The following CCSER1 variants were observed in gnomAD, a reference collection of about 807,000 sequenced individuals.
CCSER1 encodes serine-rich coiled-coil domain-containing protein 1.
A neutral mutation model predicts 82.0 loss-of-function variants in CCSER1; 41 were observed. That is an observed-to-expected ratio of 0.50 (90% CI 0.39 to 0.65). CCSER1 has a LOEUF of 0.65. CCSER1 is among the 30% of genes least tolerant of loss of function. The pLI is 0.00. For synonymous variants in CCSER1, 414 were observed against 383.9 expected (o/e 1.08, Z -0.92); for missense variants, 1,119 against 1,064.2 (o/e 1.05, Z -0.72).
intron 8 of CCSER1, among the ~76,000 whole-genome samples, chr4:90,832,996 G>A (rs768029898): frequency 1.3e-5 from 2 of 152,156 alleles, no homozygotes; most frequent in Non-Finnish European, 2.9e-5. Flanking sequence ...AAAGACAATG[G>A]TCTTTCGTTA....
chr4:90,660,268 T>C (rs1209119477), intron 6 of CCSER1, among the ~76,000 whole-genome samples: 1 of 149,386 alleles, frequency 6.7e-6, no homozygotes, highest in African/African-American at 2.4e-5. Flanking sequence ...AGTAAAGATA[T>C]GAAATCAACC....
chr4:90,165,171 G>C (rs1730225026), intron 1 of CCSER1, among the ~76,000 whole-genome samples: 1 of 152,022 alleles, frequency 6.6e-6, no homozygotes, highest in African/African-American at 2.4e-5. Context: ...AAGCTTCTCT[G>C]ATACCAGTTG....
chr4:91,420,698 A>G (rs1041950620), intron 10 of CCSER1, among the ~76,000 whole-genome samples: 8 of 152,278 alleles, frequency 5.3e-5, no homozygotes, highest in Admixed American at 2.0e-4. Context: ...TATATGTCCA[A>G]AGGAAATTAA....
chr4:91,024,210 T>G (rs1740284442), intron 9 of CCSER1, among the ~76,000 whole-genome samples: 1 of 152,144 alleles, frequency 6.6e-6, no homozygotes, highest in Admixed American at 6.6e-5. Context: ...AGATTAAGTT[T>G]CAACATGAGT....
chr4:90,752,831 T>G (rs1380195308), intron 7 of CCSER1, among the ~76,000 whole-genome samples: 1 of 152,080 alleles, frequency 6.6e-6, no homozygotes, highest in Non-Finnish European at 1.5e-5. Flanking sequence ...CTACCAGGAA[T>G]CTCCAAATTG....
chr4:90,827,427 G>A (rs989113063), intron 8 of CCSER1, among the ~76,000 whole-genome samples: 1 of 152,044 alleles, frequency 6.6e-6, no homozygotes, highest in African/African-American at 2.4e-5. Flanking sequence ...GTCAAGGTGG[G>A]GTAGCAATTT....
At chr4:91,455,221 G>A (rs1452893308) in intron 10 of CCSER1, among the ~76,000 whole-genome samples, 1 of 152,012 alleles carries the variant, frequency 6.6e-6, no homozygotes, top group Non-Finnish European at 1.5e-5. Flanking sequence ...CTGACTTATG[G>A]AAAACTGAAT....
At chr4:91,047,827 G>A (rs896795457) in intron 9 of CCSER1, among the ~76,000 whole-genome samples, 5 of 151,960 alleles carry the variant, frequency 3.3e-5, no homozygotes, top group Non-Finnish European at 5.9e-5. Context: ...ATAAATATTC[G>A]CCAGAAAATA....
At chr4:91,446,006 T>C (rs1755531571) in intron 10 of CCSER1, among the ~76,000 whole-genome samples, 1 of 152,124 alleles carries the variant, frequency 6.6e-6, no homozygotes, top group African/African-American at 2.4e-5. Context: ...TTAGAATATA[T>C]ATTATAAATA....
chr4:91,420,606 G>A (rs1753634976), intron 10 of CCSER1, among the ~76,000 whole-genome samples: 2 of 152,128 alleles, frequency 1.3e-5, no homozygotes, highest in African/African-American at 2.4e-5. Flanking sequence ...ATGTAAGTTT[G>A]TAGAGCCCTG....
chr4:90,970,656 T>TAAGA (rs1456444782), intron 9 of CCSER1, among the ~76,000 whole-genome samples: 1 of 151,980 alleles, frequency 6.6e-6, no homozygotes, highest in African/African-American at 2.4e-5. Flanking sequence ...CAAGCACACC[T>TAAGA]ATGACATCTT....
intron 5 of CCSER1, among the ~76,000 whole-genome samples, chr4:90,553,777 G>A (rs1475218948): frequency 6.6e-6 from 1 of 152,136 alleles, no homozygotes; most frequent in Non-Finnish European, 1.5e-5. Context: ...ACAGTGCAGA[G>A]TTGGATTTGC....
chr4:91,168,736 G>A lies in CCSER1; in HGVS notation c.2217+82742G>A, dbSNP rs553103380. Among the ~76,000 whole-genome samples, 1,084 of 152,192 alleles carry A rather than the reference G, an allele frequency of 7.1e-3. 7 individuals are homozygous for A. Among genetic ancestry groups the A allele is most frequent in the Non-Finnish European group, 9.1e-3 (616 of 68,000 alleles). On this transcript the variant is annotated intron_variant, in intron 10 of 10. Transcript: ENST00000509176. ...ACCATCGAGAATGGGCCATGATGACGATGGTGGTTTTGTTGAAAAGAAAAG... is the reference window on the plus strand; with the variant it reads ...ACCATCGAGAATGGGCCATGATGACAATGGTGGTTTTGTTGAAAAGAAAAG...
At chr4:90,967,027 G>A (rs1321430288) in intron 9 of CCSER1, among the ~76,000 whole-genome samples, 13 of 152,078 alleles carry the variant, frequency 8.5e-5, no homozygotes, top group Non-Finnish European at 1.8e-4. Flanking sequence ...AATCAAGGGA[G>A]TGTGGTACTG....
chr4:90,148,593 A>G (rs1413959718), intron 1 of CCSER1, among the ~76,000 whole-genome samples: 5 of 152,196 alleles, frequency 3.3e-5, no homozygotes, highest in African/African-American at 1.2e-4. Flanking sequence ...ACCTGCCATA[A>G]CAACCAGGAA....
At chr4:90,553,874 A>G (rs745419482) in intron 5 of CCSER1, among the ~76,000 whole-genome samples, 111 of 152,240 alleles carry the variant, frequency 7.3e-4, no homozygotes, top group Non-Finnish European at 1.2e-3. Flanking sequence ...GTGCAATGAA[A>G]AAAGACTGTC....
At chr4:90,807,370 G>A (rs535728033) in intron 7 of CCSER1, among the ~76,000 whole-genome samples, 69 of 152,228 alleles carry the variant, frequency 4.5e-4, no homozygotes, top group South Asian at 1.0e-3. Flanking sequence ...GAAGAAATTG[G>A]ACTACTGTAA....
intron 5 of CCSER1, among the ~76,000 whole-genome samples, chr4:90,487,181 G>A (rs927183162): frequency 2.0e-5 from 3 of 152,142 alleles, no homozygotes; most frequent in Non-Finnish European, 4.4e-5. Flanking sequence ...CAAAGTGCTG[G>A]GATTACAGGC....
At chr4:90,135,217 C>T (rs976829664) in intron 1 of CCSER1, among the ~76,000 whole-genome samples, 1 of 152,114 alleles carries the variant, frequency 6.6e-6, no homozygotes, top group African/African-American at 2.4e-5. Context: ...AACATTACAA[C>T]GTATTTCTAG....
Sources: allele counts gnomAD v4.1 joint callset (sites outside exome capture counted in the v4.1 genomes callset), GRCh38; gene constraint gnomAD v4.1.1; transcripts MANE v1.5; gene names NCBI Gene and HGNC (gene_info 2026-07-23, HGNC 2026-07-21).